Variants in CNTN4 observed in about 807,000 individuals in gnomAD.
CNTN4 encodes contactin 4, also known as contactin-4.
Under a neutral mutation model 122.5 loss-of-function variants are expected in CNTN4, and 77 were observed. That is an observed-to-expected ratio of 0.63 (90% CI 0.52 to 0.76). CNTN4 has a LOEUF of 0.76. CNTN4 is among the 30% of genes least tolerant of loss of function. The pLI is 0.00. For synonymous variants in CNTN4, 512 were observed against 447.0 expected, an observed-to-expected ratio of 1.15 and a Z score of -1.83; for missense variants, 1,256 against 1,259.1, an observed-to-expected ratio of 1.00 and a Z score of 0.04.
intron 6 of CNTN4, among the ~76,000 whole-genome samples, chr3:2,788,299 C>T (rs542775885): frequency 8.6e-4 from 131 of 152,184 alleles, no homozygotes; most frequent in Non-Finnish European, 1.4e-3. Flanking sequence ...GTCCTGTGGC[C>T]TTCCATTTTG....
intron 3 of CNTN4, among the ~76,000 whole-genome samples, chr3:2,513,955 T>C (rs1198400743): frequency 6.6e-6 from 1 of 152,128 alleles, no homozygotes; most frequent in Non-Finnish European, 1.5e-5. Context: ...ATTGTATATG[T>C]AAAGATAGTG....
At chr3:2,983,446 C>A (rs954582991) in intron 13 of CNTN4, among the ~76,000 whole-genome samples, 17 of 151,872 alleles carry the variant, frequency 1.1e-4, no homozygotes, top group African/African-American at 3.9e-4. Context: ...TTTGTAATTG[C>A]TTGAAACAGT....
At chr3:2,683,327 TACACACAC>T (rs10601751) in intron 4 of CNTN4, among the ~76,000 whole-genome samples, 3 of 149,270 alleles carry the variant, frequency 2.0e-5, no homozygotes, top group Admixed American at 6.7e-5. Context: ...TGCACACATG[TACACACAC>T]ACACACACAC....
chr3:2,225,475 T>C (rs1229834440), intron 2 of CNTN4, among the ~76,000 whole-genome samples: 1 of 152,078 alleles, frequency 6.6e-6, no homozygotes, highest in African/African-American at 2.4e-5. Flanking sequence ...ATCGTGCTGC[T>C]GCACTCCGGC....
intron 7 of CNTN4, among the ~76,000 whole-genome samples, chr3:2,843,774 C>G (rs2093406007): frequency 6.6e-6 from 1 of 152,202 alleles, no homozygotes; most frequent in African/African-American, 2.4e-5. Context: ...GTTTCCTGTA[C>G]AGTTTGCAGA....
At chr3:2,783,018 C>A (rs1400785563) in intron 6 of CNTN4, among the ~76,000 whole-genome samples, 3 of 152,178 alleles carry the variant, frequency 2.0e-5, no homozygotes, top group Non-Finnish European at 2.9e-5. Flanking sequence ...GTGGCTTACG[C>A]CTGTAATCAC....
At chr3:2,141,052 C>T (rs947488191) in intron 2 of CNTN4, among the ~76,000 whole-genome samples, 1 of 152,196 alleles carries the variant, frequency 6.6e-6, no homozygotes, top group Non-Finnish European at 1.5e-5. Flanking sequence ...TGTTCTTCAG[C>T]TGGAATATCA....
At chr3:2,545,726 T>G (rs2078217112) in intron 3 of CNTN4, among the ~76,000 whole-genome samples, 1 of 152,052 alleles carries the variant, frequency 6.6e-6, no homozygotes, top group Non-Finnish European at 1.5e-5. Flanking sequence ...TTGGTAGATA[T>G]TCTTCCATTC....
intron 6 of CNTN4, among the ~76,000 whole-genome samples, chr3:2,769,464 C>CAAAAAAAA (rs71058643): frequency 2.0e-4 from 27 of 137,044 alleles, no homozygotes; most frequent in African/African-American, 7.4e-4. Flanking sequence ...GACTCTGTCT[C>CAAAAAAAA]AAAAAAAAAA....
chr3:2,836,907 A>C (rs1002762785), intron 7 of CNTN4, among the ~76,000 whole-genome samples: 6 of 152,106 alleles, frequency 3.9e-5, no homozygotes, highest in African/African-American at 1.4e-4. Flanking sequence ...TCAAAACTTA[A>C]AGTATAATAA....
chr3:2,613,505 T>A (rs2081585758), intron 4 of CNTN4, among the ~76,000 whole-genome samples: 1 of 152,138 alleles, frequency 6.6e-6, no homozygotes, highest in Non-Finnish European at 1.5e-5. Flanking sequence ...TGTTCATTAA[T>A]GTACTGTAAA....
intron 6 of CNTN4, among the ~76,000 whole-genome samples, chr3:2,799,354 A>G (rs578000626): frequency 3.3e-5 from 5 of 152,134 alleles, no homozygotes; most frequent in Non-Finnish European, 5.9e-5. Flanking sequence ...TCATGTGTCT[A>G]TTTTGGCTTT....
intron 2 of CNTN4, among the ~76,000 whole-genome samples, chr3:2,310,165 A>T (rs1045127746): frequency 1.3e-5 from 2 of 152,284 alleles, no homozygotes; most frequent in African/African-American, 4.8e-5. Flanking sequence ...AGACATTACG[A>T]TAAGGGGAAA....
chr3:2,898,341 A>T (rs1294803181), intron 10 of CNTN4, among the ~76,000 whole-genome samples: 1 of 152,212 alleles, frequency 6.6e-6, no homozygotes, highest in Non-Finnish European at 1.5e-5. Context: ...AGAAAGTGCC[A>T]GGTGATCTCC....
chr3:3,030,778 C>A, intron 15 of CNTN4, 77 bp from the exon 16 acceptor site: 1 of 1,500,304 alleles, frequency 6.7e-7, no homozygotes, highest in South Asian at 1.1e-5. Context: ...ATCCATTAGT[C>A]ACCGTGTCCT....
At chr3:2,903,062 A>AAGAGTGTT in intron 12 of CNTN4, 57 bp downstream of exon 12, 2 of 1,555,592 alleles carry the variant, frequency 1.3e-6, no homozygotes, top group Admixed American at 3.4e-5. Flanking sequence ...CACTAAACTA[A>AAGAGTGTT]CTTGTTCTTT....
chr3:2,190,835 T>TACAC (rs71056397), intron 2 of CNTN4, among the ~76,000 whole-genome samples: 3 of 109,976 alleles, frequency 2.7e-5, no homozygotes, highest in Non-Finnish European at 5.9e-5. Context: ...CACACACACA[T>TACAC]ACACACACAC....
chr3:2,575,291 C>T (rs2079610011), intron 4 of CNTN4, among the ~76,000 whole-genome samples: 1 of 151,950 alleles, frequency 6.6e-6, no homozygotes, highest in Non-Finnish European at 1.5e-5. Context: ...GCGGGCGGAC[C>T]ACTTAAGGCC....
intron 8 of CNTN4, among the ~76,000 whole-genome samples, chr3:2,882,549 T>G (rs2093924785): frequency 6.6e-6 from 1 of 152,150 alleles, no homozygotes; most frequent in Non-Finnish European, 1.5e-5. Context: ...AGGTGTAACT[T>G]AAATGTTTTC....
Sources: allele counts gnomAD v4.1 joint callset (sites outside exome capture counted in the v4.1 genomes callset), GRCh38; gene constraint gnomAD v4.1.1; transcripts MANE v1.5; gene names NCBI Gene and HGNC (gene_info 2026-07-23, HGNC 2026-07-21).